The following CNOT6L variants were observed in gnomAD, a reference collection of about 807,000 sequenced individuals.
CNOT6L encodes CCR4-NOT transcription complex subunit 6-like.
CNOT6L carries 7 observed loss-of-function variants against 64.0 expected under a neutral mutation model. That is an observed-to-expected ratio of 0.11 (90% CI 0.06 to 0.21). The LOEUF is 0.21. CNOT6L is among the 10% of genes least tolerant of loss of function. CNOT6L has a pLI of 1.00. For synonymous variants in CNOT6L, 193 were observed against 243.4 expected (o/e 0.79, Z 1.93); for missense variants, 245 against 669.0 (o/e 0.37, Z 6.99).
At chr4:77,737,461 A>C in intron 8 of CNOT6L, among the ~76,000 whole-genome samples, 1 of 121,676 alleles carries the variant, frequency 8.2e-6, no homozygotes, top group African/African-American at 3.2e-5. Flanking sequence ...TTGCTCTGTC[A>C]CCCAGGCTGG....
intron 8 of CNOT6L, among the ~76,000 whole-genome samples, chr4:77,738,822 T>C (rs1455538890): frequency 6.6e-6 from 1 of 150,416 alleles, no homozygotes; most frequent in Non-Finnish European, 1.5e-5. Context: ...ATAAGAAACA[T>C]ATGCATATGT....
intron 8 of CNOT6L, among the ~76,000 whole-genome samples, chr4:77,737,750 C>A (rs917943378): frequency 2.6e-5 from 4 of 151,914 alleles, no homozygotes; most frequent in African/African-American, 9.7e-5. Flanking sequence ...AAAGTGCATC[C>A]ACATTCATTA....
intron 10 of CNOT6L, among the ~76,000 whole-genome samples, chr4:77,727,580 A>G (rs1404496790): frequency 2.7e-5 from 4 of 149,190 alleles, no homozygotes; most frequent in Non-Finnish European, 3.0e-5. Flanking sequence ...AAAAAAAAAA[A>G]AAAAAAAAAA....
chr4:77,776,474 T>G, intron 1 of CNOT6L, 82 bp from the exon 2 acceptor site: 16 of 968,658 alleles, frequency 1.7e-5, no homozygotes, highest in Non-Finnish European at 2.1e-5. Flanking sequence ...GTAAACTCCT[T>G]TTCTCTCCCA....
chr4:77,779,682 T>A (rs1054330009), intron 1 of CNOT6L, among the ~76,000 whole-genome samples: 2 of 152,162 alleles, frequency 1.3e-5, no homozygotes, highest in South Asian at 4.1e-4. Flanking sequence ...GACCAAAGGC[T>A]GGGCGCAGTG....
chr4:77,740,892 A>G (rs898155913), intron 8 of CNOT6L, among the ~76,000 whole-genome samples: 4 of 152,164 alleles, frequency 2.6e-5, no homozygotes, highest in African/African-American at 9.7e-5. Context: ...TCTATTTACT[A>G]CAGTAACATG....
intron 4 of CNOT6L, among the ~76,000 whole-genome samples, chr4:77,772,860 T>C (rs1033805643): frequency 1.3e-5 from 2 of 152,136 alleles, no homozygotes; most frequent in Non-Finnish European, 2.9e-5. Context: ...GAGGCAGAGC[T>C]TGCAGTGAGC....
chr4:77,814,950 A>T (rs1733396018), intron 1 of CNOT6L, among the ~76,000 whole-genome samples: 1 of 152,174 alleles, frequency 6.6e-6, no homozygotes, highest in Admixed American at 6.5e-5. Context: ...GCATGAGCAC[A>T]AATTAATAAT....
intron 10 of CNOT6L, among the ~76,000 whole-genome samples, chr4:77,728,209 A>G (rs1722082659): frequency 6.6e-6 from 1 of 152,222 alleles, no homozygotes. Flanking sequence ...TCCAAATATC[A>G]TTTAATGAAT....
chr4:77,819,280 C>T (rs763663176), intron 1 of CNOT6L, 24 bp downstream of exon 1: 2 of 1,613,594 alleles, frequency 1.2e-6, no homozygotes, highest in East Asian at 4.5e-5. Flanking sequence ...CTCGGTCCTA[C>T]TCGGAGGCAA....
intron 1 of CNOT6L, among the ~76,000 whole-genome samples, chr4:77,796,529 A>G (rs1435517963): frequency 6.6e-6 from 1 of 152,096 alleles, no homozygotes; most frequent in Non-Finnish European, 1.5e-5. Context: ...TTCTGCCATG[A>G]TTCTACGTTT....
At chr4:77,809,428 T>A (rs1450054633) in intron 1 of CNOT6L, among the ~76,000 whole-genome samples, 1 of 152,220 alleles carries the variant, frequency 6.6e-6, no homozygotes, top group Non-Finnish European at 1.5e-5. Flanking sequence ...TAAATATTAA[T>A]TAACAGGTTA....
intron 10 of CNOT6L, among the ~76,000 whole-genome samples, chr4:77,727,633 A>G (rs991220503): frequency 6.6e-6 from 1 of 151,704 alleles, no homozygotes; most frequent in African/African-American, 2.4e-5. Flanking sequence ...TGCATAGTTC[A>G]TAAGTAGCAA....
intron 1 of CNOT6L, among the ~76,000 whole-genome samples, chr4:77,811,402 C>T (rs1732921308): frequency 6.6e-6 from 1 of 152,066 alleles, no homozygotes; most frequent in African/African-American, 2.4e-5. Context: ...CCCGTCTCTA[C>T]TAAAAGTACA....
At chr4:77,774,740 T>TAAA in intron 2 of CNOT6L, 24 bp from the exon 3 acceptor site, 1 of 1,453,602 alleles carries the variant, frequency 6.9e-7, no homozygotes, top group Non-Finnish European at 9.1e-7. Flanking sequence ...TACTGAAGTG[T>TAAA]AAAAAAAAAC....
chr4:77,757,151 C>G lies in CNOT6L; in HGVS notation c.401-200G>C, dbSNP rs375030503. Among the ~76,000 whole-genome samples, 7 of 151,846 alleles carry G rather than the reference C, an allele frequency of 4.6e-5. No homozygotes were observed. The South Asian group carries it at 1.5e-3, about 32-fold the overall frequency. On this transcript the variant is annotated intron_variant, in intron 4 of 11. Coordinates refer to ENST00000504123, the MANE Select transcript of CNOT6L (RefSeq NM_144571.3). ...AAGAACTCTAAAATTTGGGCTTGTCCAAAACATATATACACATATACATAA... is the reference window on the plus strand; with the variant it reads ...AAGAACTCTAAAATTTGGGCTTGTCGAAAACATATATACACATATACATAA...
intron 1 of CNOT6L, among the ~76,000 whole-genome samples, chr4:77,809,447 T>C (rs1732646280): frequency 6.6e-6 from 1 of 152,204 alleles, no homozygotes; most frequent in Non-Finnish European, 1.5e-5. Flanking sequence ...TATATTTTGG[T>C]GATTCAAATT....
In CNOT6L at chr4:77,718,909, G is replaced by A. The variant is rs1168073625; in HGVS notation, c.*1522C>T. On this transcript the variant is annotated 3_prime_UTR_variant, in exon 12 of 12. Transcript: ENST00000504123. ...ATATATTAGTGAGACACAAATATAG[G>A]CTATTGTCTTTTAAAATTTCATTCA... 6.6e-6 allele frequency: 1 copy of A among 152,378 alleles called. No individual in the cohort carries two copies. The highest frequency in any genetic ancestry group is 2.1e-4 in the South Asian group (1 of 4,818). 9.4% of individuals were successfully genotyped at this position (152,378 alleles called of 1,614,324 possible). A position where few individuals can be genotyped will look rare whatever the true frequency, so the allele number is the denominator to read the frequency against.
intron 1 of CNOT6L, among the ~76,000 whole-genome samples, chr4:77,779,286 C>A (rs962327331): frequency 5.3e-5 from 8 of 151,954 alleles, no homozygotes; most frequent in African/African-American, 1.9e-4. Context: ...AAATCTGCCA[C>A]CTTCCTCCCT....
Sources: allele counts gnomAD v4.1 joint callset (sites outside exome capture counted in the v4.1 genomes callset), GRCh38; gene constraint gnomAD v4.1.1; transcripts MANE v1.5; gene names NCBI Gene and HGNC (gene_info 2026-07-23, HGNC 2026-07-21).